The following PLPPR1 variants were observed in gnomAD, a reference collection of about 807,000 sequenced individuals.
PLPPR1 encodes phospholipid phosphatase-related protein type 1.
A neutral mutation model predicts 33.1 loss-of-function variants in PLPPR1; 10 were observed. The observed-to-expected ratio is 0.30, with a 90% CI of 0.19 to 0.51. The LOEUF is 0.51. PLPPR1 is among the 20% of genes least tolerant of loss of function. The pLI, the probability that PLPPR1 is intolerant of heterozygous loss-of-function variation, is 0.97. For synonymous variants in PLPPR1, 151 were observed against 151.0 expected (o/e 1.00, Z 0.00); for missense variants, 304 against 408.1 (o/e 0.74, Z 2.20).
In PLPPR1 at chr9:101,123,134, G is replaced by A. The variant is rs150232498; in HGVS notation, c.-45-62316G>A. Among the ~76,000 whole-genome samples the A allele has an allele frequency of 1.6e-3, 240 of 152,244 alleles. 3 individuals carry two copies. The East Asian group carries it at 0.024, about 15-fold the overall frequency. ...ATATATCTCTATATTTTCAAAATCC[G>A]AAATACTGTTCTATGCTCTCAAATT... On this transcript the variant is annotated intron_variant, in intron 1 of 7. Transcript: ENST00000374874.
At chr9:101,298,065 G>C (rs565976404) in intron 4 of PLPPR1, among the ~76,000 whole-genome samples, 1 of 152,164 alleles carries the variant, frequency 6.6e-6, no homozygotes, top group African/African-American at 2.4e-5. Flanking sequence ...ATTAGAATTT[G>C]ATGAGGGTTT....
Position 101,241,357 on chromosome 9 carries a change from T to TA in PLPPR1, c.64-28522dup, listed in dbSNP as rs1420043036. Among the ~76,000 whole-genome samples, 8 of 152,192 alleles carry TA rather than the reference T, an allele frequency of 5.3e-5. No homozygotes were observed. In the East Asian group the frequency reaches 1.6e-3, roughly 30 times the overall value. On this transcript the variant is annotated intron_variant, in intron 2 of 7. Transcript: ENST00000374874. ...CCAGTCTTTTGGCTTCCCTGGGTCA[T>TA]ACTGGGAGAAGAACAATTTCCTTGG...
rs529917465 is a variant in PLPPR1, at chr9:101,209,387, T to C, written c.63+23830T>C. ...ATGTGTGGGTAACTCAGCGTAGCTG[T>C]GTTATAGACAGGACCAACCTTAATT... On this transcript the variant is annotated intron_variant, in intron 2 of 7. Coordinates refer to ENST00000374874, the MANE Select transcript of PLPPR1 (RefSeq NM_207299.2). Among the ~76,000 whole-genome samples, 6 of 152,336 alleles carry C rather than the reference T, an allele frequency of 3.9e-5. No homozygotes were observed. The South Asian group carries it at 1.2e-3, about 32-fold the overall frequency.
chr9:101,322,198 C>CAAAAAAAAAAA (rs57344415), intron 7 of PLPPR1, among the ~76,000 whole-genome samples: 27 of 27,678 alleles, frequency 9.8e-4, no homozygotes, highest in South Asian at 2.4e-3. Context: ...GACTTCATCT[C>CAAAAAAAAAAA]AAAAAAAAAA....
chr9:101,045,645 C>T (rs1404543553), intron 1 of PLPPR1, among the ~76,000 whole-genome samples: 1 of 152,198 alleles, frequency 6.6e-6, no homozygotes, highest in East Asian at 1.9e-4. Flanking sequence ...TGAGTGATGA[C>T]AACACCTGAT....
At chr9:101,182,065 AC>A (rs1267357153) in intron 1 of PLPPR1, among the ~76,000 whole-genome samples, 1 of 151,518 alleles carries the variant, frequency 6.6e-6, no homozygotes, top group Non-Finnish European at 1.5e-5. Flanking sequence ...GTAATGGAAT[AC>A]TATTTAGCCT....
intron 1 of PLPPR1, among the ~76,000 whole-genome samples, chr9:101,149,268 A>G (rs1831555307): frequency 6.6e-6 from 1 of 152,258 alleles, no homozygotes; most frequent in South Asian, 2.1e-4. Context: ...GGAATATAAC[A>G]GGTACTCTAC....
At chr9:101,041,713 C>T (rs1371354500) in intron 1 of PLPPR1, among the ~76,000 whole-genome samples, 3 of 152,100 alleles carry the variant, frequency 2.0e-5, no homozygotes, top group Non-Finnish European at 4.4e-5. Context: ...GAAGTTGTGC[C>T]TGGAGTCCCT....
intron 1 of PLPPR1, among the ~76,000 whole-genome samples, chr9:101,047,738 C>T (rs893743105): frequency 2.0e-5 from 3 of 152,058 alleles, no homozygotes; most frequent in Non-Finnish European, 2.9e-5. Flanking sequence ...TTATAATGCT[C>T]GTGTAATTTA....
intron 2 of PLPPR1, among the ~76,000 whole-genome samples, chr9:101,197,366 T>A (rs993740677): frequency 6.6e-6 from 1 of 152,104 alleles, no homozygotes; most frequent in African/African-American, 2.4e-5. Flanking sequence ...TGAACATCAG[T>A]GGGGTGCTGT....
chr9:101,307,023 G>T lies in PLPPR1; in HGVS notation c.386-2188G>T, dbSNP rs529859087. ...GCGCTTTGTTGGTGTGGCCTGCATG[G>T]GGCAGGTGGGCTTCCCAGGCTGATG... On this transcript the variant is annotated intron_variant, in intron 4 of 7. Coordinates refer to ENST00000374874, the MANE Select transcript of PLPPR1 (RefSeq NM_207299.2). Among the ~76,000 whole-genome samples, 4 of 152,350 alleles carry T rather than the reference G, an allele frequency of 2.6e-5. No individual in the cohort carries two copies. The East Asian group carries it at 7.7e-4, about 29-fold the overall frequency.
intron 1 of PLPPR1, among the ~76,000 whole-genome samples, chr9:101,110,874 T>C (rs1272951901): frequency 6.6e-6 from 1 of 152,128 alleles, no homozygotes; most frequent in African/African-American, 2.4e-5. Flanking sequence ...AGCAATATGA[T>C]ATTTTGGAAT....
chr9:101,202,155 A>AT, intron 2 of PLPPR1, among the ~76,000 whole-genome samples: 1 of 152,330 alleles, frequency 6.6e-6, no homozygotes, highest in South Asian at 2.1e-4. Flanking sequence ...GCAAATTTGC[A>AT]TTGTATAAGC....
At chr9:101,160,245 C>T (rs775605848) in intron 1 of PLPPR1, among the ~76,000 whole-genome samples, 18 of 152,100 alleles carry the variant, frequency 1.2e-4, no homozygotes, top group Non-Finnish European at 2.4e-4. Flanking sequence ...ATAATTTTTC[C>T]TTAGTTGCTT....
chr9:101,150,166 A>G (rs1395400264), intron 1 of PLPPR1, among the ~76,000 whole-genome samples: 2 of 152,056 alleles, frequency 1.3e-5, no homozygotes, highest in Non-Finnish European at 1.5e-5. Context: ...GTAATCACCT[A>G]TTTGAAATTC....
At chr9:101,255,905 A>C (rs901888339) in intron 2 of PLPPR1, among the ~76,000 whole-genome samples, 3 of 152,190 alleles carry the variant, frequency 2.0e-5, no homozygotes, top group Admixed American at 6.5e-5. Context: ...GAGAGGTAAA[A>C]TAATAACTCC....
intron 1 of PLPPR1, among the ~76,000 whole-genome samples, chr9:101,118,497 C>G (rs865967506): frequency 6.6e-6 from 1 of 152,218 alleles, no homozygotes; most frequent in African/African-American, 2.4e-5. Context: ...GGAACTCTCT[C>G]TCTCTCTCTT....
intron 1 of PLPPR1, among the ~76,000 whole-genome samples, chr9:101,129,570 G>T (rs572559095): frequency 6.6e-6 from 1 of 152,166 alleles, no homozygotes; most frequent in Non-Finnish European, 1.5e-5. Flanking sequence ...AGTGTCTCAC[G>T]CCTGTAATCC....
At chr9:101,221,270 A>T (rs1366394723) in intron 2 of PLPPR1, among the ~76,000 whole-genome samples, 1 of 151,898 alleles carries the variant, frequency 6.6e-6, no homozygotes, top group African/African-American at 2.4e-5. Flanking sequence ...AAGTCTCCAA[A>T]ATCCATTGTA....
Sources: gnomAD v4.1 joint callset for allele counts (sites outside exome capture counted in the v4.1 genomes callset) on GRCh38, gnomAD v4.1.1 for gene constraint, MANE v1.5 for transcripts, NCBI Gene and HGNC (gene_info 2026-07-23, HGNC 2026-07-21) for gene names.